Variants in COL24A1 observed in about 807,000 individuals in gnomAD.
COL24A1 encodes the protein collagen alpha-1(XXIV) chain.
A neutral mutation model predicts 253.9 loss-of-function variants in COL24A1; 224 were observed. The observed-to-expected ratio is 0.88, with a 90% confidence interval of 0.79 to 0.99. The LOEUF is 0.99. Among genes scored for constraint, COL24A1 ranks in the 50% least tolerant of loss-of-function variants. The probability of loss-of-function intolerance (pLI) is 0.00; values close to 1 mark genes in which losing one functional copy is unlikely to be tolerated. For missense variants in COL24A1, 2,131 were observed against 2,068.5 expected, an observed-to-expected ratio of 1.03 and a Z score of -0.59; for synonymous variants, 685 against 673.7, an observed-to-expected ratio of 1.02 and a Z score of -0.26.
chr1:86,013,789 C>T (rs1018674820), intron 19 of COL24A1, among the ~76,000 whole-genome samples: 6 of 152,058 alleles, frequency 3.9e-5, no homozygotes, highest in African/African-American at 7.2e-5. Context: ...TGAGCCCAGA[C>T]GGCACCACTG....
At chr1:86,137,619 T>C (rs1444445465) in intron 2 of COL24A1, among the ~76,000 whole-genome samples, 1 of 152,150 alleles carries the variant, frequency 6.6e-6, no homozygotes, top group Non-Finnish European at 1.5e-5. Context: ...GTAAAATAAA[T>C]GGTGGTGTCA....
intron 2 of COL24A1, among the ~76,000 whole-genome samples, chr1:86,142,872 C>T (rs571390875): frequency 2.0e-5 from 3 of 151,726 alleles, no homozygotes; most frequent in Non-Finnish European, 4.4e-5. Context: ...TGTAACCTTC[C>T]AAAACATCAA....
chr1:85,838,696 T>A, intron 42 of COL24A1, 58 bp from the exon 43 acceptor site: 7 of 1,484,148 alleles, frequency 4.7e-6, no homozygotes, highest in Non-Finnish European at 6.6e-6. Context: ...TATATGCGAA[T>A]GCAGGTGATA....
chr1:85,837,518 T>C (rs777908875), intron 43 of COL24A1, among the ~76,000 whole-genome samples: 2 of 152,196 alleles, frequency 1.3e-5, no homozygotes, highest in Non-Finnish European at 2.9e-5. Flanking sequence ...CAACTCATTA[T>C]TAAAAGCTTA....
chr1:85,951,676 T>C (rs1452022960), intron 24 of COL24A1, among the ~76,000 whole-genome samples: 1 of 152,188 alleles, frequency 6.6e-6, no homozygotes, highest in African/African-American at 2.4e-5. Context: ...TAATCTACTA[T>C]GTCCCATTCC....
At chr1:85,736,107 T>C in intron 58 of COL24A1, 2 of 318,780 alleles carry the variant, frequency 6.3e-6, no homozygotes, top group Non-Finnish European at 1.2e-5. Flanking sequence ...TAATCTGGCA[T>C]GGTTGTTATG....
At chr1:86,066,337 C>A (rs986400335) in intron 7 of COL24A1, among the ~76,000 whole-genome samples, 8 of 147,146 alleles carry the variant, frequency 5.4e-5, no homozygotes, top group East Asian at 4.1e-4. Context: ...CTCCCGGGTT[C>A]GCGCCATTCT....
At chr1:85,971,228 A>G (rs1475237946) in intron 21 of COL24A1, 112 bp downstream of exon 21, 2 of 773,416 alleles carry the variant, frequency 2.6e-6, no homozygotes, top group South Asian at 3.2e-5. Context: ...ATAAAATGGT[A>G]ACTGGAAATC....
intron 24 of COL24A1, among the ~76,000 whole-genome samples, chr1:85,956,950 A>G (rs1690523171): frequency 6.6e-6 from 1 of 152,224 alleles, no homozygotes; most frequent in South Asian, 2.1e-4. Context: ...ACGGCCAGAG[A>G]AACTTAGAAC....
intron 2 of COL24A1, among the ~76,000 whole-genome samples, chr1:86,136,844 C>A (rs552422309): frequency 2.6e-5 from 4 of 152,120 alleles, no homozygotes; most frequent in Non-Finnish European, 5.9e-5. Context: ...GAAGTGAAAT[C>A]ATCAAATTGT....
chr1:85,997,035 A>G (rs1237615810), intron 19 of COL24A1, among the ~76,000 whole-genome samples: 3 of 65,522 alleles, frequency 4.6e-5, no homozygotes, highest in Non-Finnish European at 9.1e-5. Flanking sequence ...GTGTATATAT[A>G]TATATATGTG....
chr1:86,003,417 T>C (rs1695623952), intron 19 of COL24A1, among the ~76,000 whole-genome samples: 1 of 152,098 alleles, frequency 6.6e-6, no homozygotes, highest in Admixed American at 6.5e-5. Flanking sequence ...CAAACCCCAA[T>C]GTCACCTTCA....
intron 21 of COL24A1, among the ~76,000 whole-genome samples, chr1:85,970,594 A>G (rs1476267048): frequency 1.3e-5 from 2 of 152,206 alleles, no homozygotes; most frequent in Non-Finnish European, 2.9e-5. Flanking sequence ...ATTTATAGAC[A>G]TATTTACTAA....
intron 5 of COL24A1, among the ~76,000 whole-genome samples, chr1:86,108,807 C>CAAA (rs369466863): frequency 2.8e-5 from 4 of 142,822 alleles, no homozygotes; most frequent in Non-Finnish European, 6.1e-5. Flanking sequence ...AATTCCGTCT[C>CAAA]AAAAAAAAAA....
chr1:85,894,884 C>G (rs2102787768), intron 31 of COL24A1, among the ~76,000 whole-genome samples: 1 of 152,204 alleles, frequency 6.6e-6, no homozygotes, highest in East Asian at 1.9e-4. Flanking sequence ...AAGGAACAAG[C>G]AAATGCAGTG....
chr1:86,009,793 G>A (rs1264636535), intron 19 of COL24A1, among the ~76,000 whole-genome samples: 1 of 152,064 alleles, frequency 6.6e-6, no homozygotes, highest in African/African-American at 2.4e-5. Flanking sequence ...GAGTAATGAT[G>A]TTATGAAGGC....
intron 5 of COL24A1, among the ~76,000 whole-genome samples, chr1:86,111,917 G>A (rs562934366): frequency 2.0e-5 from 3 of 152,106 alleles, no homozygotes; most frequent in Admixed American, 2.0e-4. Context: ...CCAGAAGGAA[G>A]AAACTGCGAA....
chr1:85,899,844 T>G (rs932513220), intron 28 of COL24A1, among the ~76,000 whole-genome samples: 7 of 152,172 alleles, frequency 4.6e-5, no homozygotes, highest in African/African-American at 1.7e-4. Flanking sequence ...TCCCACTTTT[T>G]AAGATGAAGA....
At position 85,744,783 on chromosome 1, in the gene COL24A1, T is replaced by A; in HGVS notation, c.4555A>T (p.Lys1519Ter). ...AAATTGCTAAGGTAGTTCAGGGTTT[T>A]GAATATCTCTTCACTGTGGTCAATT... ...TLIDHSEEIF[K>*]TLNYLSNLLH... The change falls in exon 57 of 60, where the codon AAA becomes TAA. Residue 1519 changes from lysine to a stop codon, truncating the protein, a stop_gained. Transcript: ENST00000370571. LOFTEE classifies it high-confidence loss of function. 1.2e-6 allele frequency: 2 copies of A among 1,611,148 alleles called. No individual in the cohort carries two copies. The highest frequency in any genetic ancestry group is 1.7e-6 in the Non-Finnish European group (2 of 1,179,056).
Sources: gnomAD v4.1 joint callset for allele counts (sites outside exome capture counted in the v4.1 genomes callset) on GRCh38, gnomAD v4.1.1 for gene constraint, MANE v1.5 for transcripts, NCBI Gene and HGNC (gene_info 2026-07-23, HGNC 2026-07-21) for gene names.